Variants in DNAH5 observed in about 807,000 individuals in gnomAD.
DNAH5 encodes the protein dynein axonemal heavy chain 5.
In DNAH5, 372 loss-of-function variants were observed where a neutral mutation model predicts 518.2. That is an observed-to-expected ratio of 0.72 (90% CI 0.66 to 0.78). The LOEUF (loss-of-function observed/expected upper bound fraction) is 0.78. Ranked by LOEUF, DNAH5 falls within the 30% of genes least tolerant of loss-of-function variation. DNAH5 has a pLI of 0.00. For synonymous variants in DNAH5, 2,039 were observed against 2,025.9 expected, an observed-to-expected ratio of 1.01 and a Z score of -0.17; for missense variants, 5,523 against 5,687.0, an observed-to-expected ratio of 0.97 and a Z score of 0.93.
chr5:13,930,907 T>C (rs932127135), intron 2 of DNAH5, among the ~76,000 whole-genome samples: 2 of 152,220 alleles, frequency 1.3e-5, no homozygotes, highest in Admixed American at 6.5e-5. Flanking sequence ...AAATGACAAT[T>C]AGAAGTGCCC....
intron 51 of DNAH5, among the ~76,000 whole-genome samples, chr5:13,788,300 C>T (rs1243616119): frequency 6.6e-6 from 1 of 152,184 alleles, no homozygotes; most frequent in Non-Finnish European, 1.5e-5. Flanking sequence ...CTACAGATAA[C>T]ATTTCATGGA....
chr5:13,842,355 G>T (rs939705822), intron 32 of DNAH5, among the ~76,000 whole-genome samples: 2 of 151,026 alleles, frequency 1.3e-5, no homozygotes, highest in Non-Finnish European at 2.9e-5. Context: ...ACTCCAGGCT[G>T]GGCAACAAGA....
chr5:13,714,764 C>A, intron 74 of DNAH5, 144 bp from the exon 75 acceptor site: 3 of 819,628 alleles, frequency 3.7e-6, no homozygotes, highest in South Asian at 3.0e-5. Context: ...TCAATAATTT[C>A]TCCAGAAAAG....
At chr5:13,804,734 T>C (rs1407832834) in intron 47 of DNAH5, among the ~76,000 whole-genome samples, 1 of 152,252 alleles carries the variant, frequency 6.6e-6, no homozygotes, top group East Asian at 1.9e-4. Context: ...AAGCCATGTG[T>C]ATCAGATAAT....
intron 34 of DNAH5, among the ~76,000 whole-genome samples, chr5:13,840,415 A>G (rs1765008680): frequency 6.6e-6 from 1 of 152,210 alleles, no homozygotes. Flanking sequence ...AAAAATGTGT[A>G]ACACCTGAAT....
At chr5:13,991,300 T>C (rs1319953269) in intron 1 of DNAH5, among the ~76,000 whole-genome samples, 2 of 152,124 alleles carry the variant, frequency 1.3e-5, no homozygotes, top group East Asian at 1.9e-4. Context: ...ATGAAGTCCA[T>C]TGAGGTCTAC....
chr5:13,874,864 C>T (rs115509305), intron 22 of DNAH5, among the ~76,000 whole-genome samples: 3,079 of 152,164 alleles, frequency 0.02, 108 homozygotes, highest in African/African-American at 0.069. Flanking sequence ...GATGACCAAC[C>T]TATGGGCATG....
intron 75 of DNAH5, among the ~76,000 whole-genome samples, chr5:13,713,471 A>G (rs1466966312): frequency 7.4e-6 from 1 of 134,594 alleles, no homozygotes; most frequent in African/African-American, 3.0e-5. Context: ...ATATATACAC[A>G]CACCGATATA....
chr5:13,957,316 G>A (rs1472591591), intron 1 of DNAH5, among the ~76,000 whole-genome samples: 1 of 152,104 alleles, frequency 6.6e-6, no homozygotes, highest in Admixed American at 6.5e-5. Context: ...GAAGAGCTAA[G>A]GAAATACAAA....
chr5:13,859,883 CA>C (rs767236266), intron 29 of DNAH5, among the ~76,000 whole-genome samples: 62 of 152,200 alleles, frequency 4.1e-4, no homozygotes, highest in Non-Finnish European at 7.4e-4. Context: ...ACCAAGCTTC[CA>C]GGGTAATATA....
In DNAH5 at chr5:13,793,935, C is replaced by G; in HGVS notation, c.8010+1G>C. ...TAAAATGCACAATAGAATGATGATA[C>G]CTGATCTCCCCACTCATTGATTATT... On this transcript the variant is annotated splice_donor_variant, in intron 48 of 78. Transcript: ENST00000265104. LOFTEE classifies it high-confidence loss of function. The G allele has an allele frequency of 6.2e-7, 1 of 1,613,930 alleles. No individual in the cohort carries two copies. The highest frequency in any genetic ancestry group is 1.1e-5 in the South Asian group (1 of 91,074).
intron 53 of DNAH5, 68 bp downstream of exon 53, chr5:13,780,761 C>T: frequency 1.3e-6 from 2 of 1,563,900 alleles, no homozygotes; most frequent in Non-Finnish European, 1.8e-6. Context: ...TGCATTTGAA[C>T]TTCAGGTGGC....
At chr5:13,698,195 C>T (rs1741621868) in intron 78 of DNAH5, among the ~76,000 whole-genome samples, 1 of 152,176 alleles carries the variant, frequency 6.6e-6, no homozygotes, top group Non-Finnish European at 1.5e-5. Context: ...TCCCAGCCTC[C>T]AGAACCAGGA....
Position 13,794,473 on chromosome 5 carries a change from G to A in DNAH5, c.7888-415C>T, listed in dbSNP as rs1474216468. Among the ~76,000 whole-genome samples the A allele has an allele frequency of 3.9e-5, 6 of 152,310 alleles. No individual in the cohort carries two copies. In the South Asian group the frequency reaches 1.2e-3, roughly 32 times the overall value. On this transcript the variant is annotated intron_variant, in intron 47 of 78. Coordinates refer to ENST00000265104, the MANE Select transcript of DNAH5 (RefSeq NM_001369.3). Reference sequence around the variant, plus strand: ...TGAGGTCTGCACTCCGAGCTGCACAGCCCATCATGGTCTGAAGGCTGAAAC... The same window carrying A: ...TGAGGTCTGCACTCCGAGCTGCACAACCCATCATGGTCTGAAGGCTGAAAC...
intron 35 of DNAH5, among the ~76,000 whole-genome samples, chr5:13,835,166 T>A (rs779106825): frequency 6.6e-6 from 1 of 151,910 alleles, no homozygotes. Context: ...GCACCTGTAG[T>A]CCCAGCTACT....
At chr5:13,966,343 C>T (rs530186049) in intron 1 of DNAH5, among the ~76,000 whole-genome samples, 15 of 152,126 alleles carry the variant, frequency 9.9e-5, no homozygotes, top group Admixed American at 7.9e-4. Flanking sequence ...GTATCTTTCT[C>T]GTATAATGAC....
intron 22 of DNAH5, 121 bp downstream of exon 22, chr5:13,876,563 G>T: frequency 8.5e-7 from 1 of 1,171,746 alleles, no homozygotes; most frequent in Non-Finnish European, 1.2e-6. Context: ...CATACAAGAT[G>T]CTCCCTGAAA....
At chr5:13,737,587 T>G (rs896655786) in intron 65 of DNAH5, 92 bp from the exon 66 acceptor site, 1 of 1,359,408 alleles carries the variant, frequency 7.4e-7, no homozygotes, top group Non-Finnish European at 1.0e-6. Context: ...GCTTTGAAGC[T>G]CCCATACTGT....
chr5:13,826,036 G>T (rs960747514), intron 38 of DNAH5, among the ~76,000 whole-genome samples: 2 of 152,130 alleles, frequency 1.3e-5, no homozygotes, highest in Non-Finnish European at 2.9e-5. Flanking sequence ...TAATAAAATA[G>T]AAATGTGAAT....
Sources: gnomAD v4.1 joint callset for allele counts (sites outside exome capture counted in the v4.1 genomes callset) on GRCh38, gnomAD v4.1.1 for gene constraint, MANE v1.5 for transcripts, NCBI Gene and HGNC (gene_info 2026-07-23, HGNC 2026-07-21) for gene names.